The following SPTLC1 variants were observed in gnomAD, a reference collection of about 807,000 sequenced individuals.
SPTLC1 encodes the protein serine palmitoyltransferase 1.
In SPTLC1, 55 loss-of-function variants were observed where a neutral mutation model predicts 68.9. That is an observed-to-expected ratio of 0.80 (90% CI 0.64 to 1.00). SPTLC1 has a LOEUF of 1.00. Ranked by LOEUF, SPTLC1 falls within the 50% of genes least tolerant of loss-of-function variation. SPTLC1 has a pLI of 0.00. For synonymous variants in SPTLC1, 197 were observed against 201.6 expected (o/e 0.98, Z 0.19); for missense variants, 449 against 573.1 (o/e 0.78, Z 2.21).
intron 12 of SPTLC1, among the ~76,000 whole-genome samples, chr9:92,039,451 C>T (rs752606009): frequency 8.5e-5 from 13 of 152,076 alleles, no homozygotes; most frequent in Admixed American, 1.3e-4. Context: ...GATGGCATCT[C>T]GCTCTGTCAC....
At chr9:92,105,351 T>C in intron 3 of SPTLC1, 2 of 1,520,224 alleles carry the variant, frequency 1.3e-6, no homozygotes, top group South Asian at 1.2e-5. Context: ...CGTAAGAACA[T>C]GAGGTTGTTA....
At chr9:92,089,864 G>A (rs138890929) in intron 3 of SPTLC1, among the ~76,000 whole-genome samples, 1 of 152,292 alleles carries the variant, frequency 6.6e-6, no homozygotes, top group East Asian at 1.9e-4. Context: ...AAAAACAGAA[G>A]ATGAACAATA....
chr9:92,104,459 C>T, intron 3 of SPTLC1: 34 of 1,397,868 alleles, frequency 2.4e-5, no homozygotes, highest in Non-Finnish European at 2.8e-5. Context: ...AACACGGGCA[C>T]CCCACAGAGG....
At chr9:92,049,640 G>A (rs1240250595) in intron 9 of SPTLC1, among the ~76,000 whole-genome samples, 3 of 152,260 alleles carry the variant, frequency 2.0e-5, no homozygotes, top group East Asian at 3.9e-4. Flanking sequence ...AATTCCTAAT[G>A]ATTTTAAGAA....
intron 1 of SPTLC1, among the ~76,000 whole-genome samples, chr9:92,113,209 A>G: frequency 6.6e-6 from 1 of 152,220 alleles, no homozygotes; most frequent in East Asian, 1.9e-4. Context: ...AAGACTACTC[A>G]AATTCTACAT....
intron 12 of SPTLC1, among the ~76,000 whole-genome samples, chr9:92,044,691 C>G (rs770781847): frequency 2.0e-5 from 3 of 152,106 alleles, no homozygotes; most frequent in Non-Finnish European, 4.4e-5. Flanking sequence ...CAAAGGCACT[C>G]AGTCCTTAAA....
chr9:92,093,485 G>A (rs755451418), intron 3 of SPTLC1, among the ~76,000 whole-genome samples: 2 of 152,114 alleles, frequency 1.3e-5, no homozygotes, highest in African/African-American at 4.8e-5. Flanking sequence ...ACACACACAC[G>A]TCTGAGAAGA....
chr9:92,068,210 G>A, intron 5 of SPTLC1, 112 bp from the exon 6 acceptor site: 1 of 1,002,262 alleles, frequency 1.0e-6, no homozygotes, highest in Non-Finnish European at 1.5e-6. Context: ...TCACCTTATG[G>A]CCAAAATGGA....
chr9:92,111,314 T>G (rs1434345059), intron 2 of SPTLC1: 1 of 152,182 alleles, frequency 6.6e-6, no homozygotes, highest in Non-Finnish European at 1.5e-5. Flanking sequence ...TTTTACACAC[T>G]AGTAGGATCC....
intron 3 of SPTLC1, among the ~76,000 whole-genome samples, chr9:92,092,913 C>T (rs532184671): frequency 1.9e-4 from 29 of 152,182 alleles, no homozygotes; most frequent in Non-Finnish European, 2.8e-4. Flanking sequence ...TTTATTTACT[C>T]AATGGAATGA....
intron 5 of SPTLC1, among the ~76,000 whole-genome samples, chr9:92,077,542 G>A (rs890815518): frequency 2.0e-5 from 3 of 152,018 alleles, no homozygotes; most frequent in African/African-American, 4.8e-5. Context: ...TCCTGAAGTC[G>A]CAAGTACTCT....
Position 92,068,076 on chromosome 9 carries a change from G to A in SPTLC1, c.450C>T (p.Asp150=), listed in dbSNP as rs749758209. ...CTGTCTTCATAAATTTTGCCAGGCG[G>A]TCTTCCAAATCCAAATGAACATCTA... ...GTFDVHLDLE[D]RLAKFMKTEE... The change falls in exon 6 of 15, where the codon GAC becomes GAT. Residue 150 remains aspartate (D), a synonymous_variant. Transcript: ENST00000262554. The A allele has an allele frequency of 6.2e-7, 1 of 1,613,992 alleles. No individual in the cohort carries two copies. Among genetic ancestry groups the A allele is most frequent in the Non-Finnish European group, 8.5e-7 (1 of 1,179,966 alleles).
chr9:92,067,150 T>C (rs1834317374), intron 6 of SPTLC1, among the ~76,000 whole-genome samples: 1 of 151,886 alleles, frequency 6.6e-6, no homozygotes, highest in Non-Finnish European at 1.5e-5. Context: ...ATACAAAAAA[T>C]TAGCCAGGCA....
intron 3 of SPTLC1, among the ~76,000 whole-genome samples, chr9:92,085,156 C>T (rs1404597876): frequency 1.1e-3 from 173 of 151,186 alleles, no homozygotes; most frequent in African/African-American, 1.7e-3. Flanking sequence ...GTCTTGCTAG[C>T]GGTCTATCAA....
intron 6 of SPTLC1, among the ~76,000 whole-genome samples, chr9:92,066,782 C>T (rs1834299581): frequency 1.3e-5 from 2 of 151,750 alleles, no homozygotes; most frequent in Admixed American, 1.3e-4. Context: ...AGTTCAAGAC[C>T]AGCCTGGCCA....
At chr9:92,042,233 T>C (rs947020612) in intron 12 of SPTLC1, among the ~76,000 whole-genome samples, 2 of 152,224 alleles carry the variant, frequency 1.3e-5, no homozygotes, top group African/African-American at 2.4e-5. Flanking sequence ...ATGTTTGCTA[T>C]TATTGCCACT....
Position 92,048,508 on chromosome 9 carries a change from C to A in SPTLC1, c.889-800G>T, listed in dbSNP as rs561681200. ...ACCTTTCATTATGAAAAATTTCAAG[C>A]CTGAACAAAGTAGAACAGAACAAAG... On this transcript the variant is annotated intron_variant, in intron 9 of 14. Coordinates refer to ENST00000262554, the MANE Select transcript of SPTLC1 (RefSeq NM_006415.4). Among the ~76,000 whole-genome samples the A allele has an allele frequency of 3.9e-5, 6 of 152,284 alleles. No homozygotes were observed. In the East Asian group the frequency reaches 9.6e-4, roughly 24 times the overall value.
chr9:92,106,113 G>C (rs1211638344), intron 3 of SPTLC1, among the ~76,000 whole-genome samples: 1 of 152,110 alleles, frequency 6.6e-6, no homozygotes, highest in Non-Finnish European at 1.5e-5. Flanking sequence ...GAGCGCCTCT[G>C]CCCGGCCCCC....
chr9:92,097,903 A>AT (rs1189244256), intron 3 of SPTLC1, among the ~76,000 whole-genome samples: 9 of 152,342 alleles, frequency 5.9e-5, no homozygotes, highest in Non-Finnish European at 1.2e-4. Flanking sequence ...AATAGATTAT[A>AT]TATCAATAAG....
Sources: allele counts gnomAD v4.1 joint callset (sites outside exome capture counted in the v4.1 genomes callset), GRCh38; gene constraint gnomAD v4.1.1; transcripts MANE v1.5; gene names NCBI Gene and HGNC (gene_info 2026-07-23, HGNC 2026-07-21).